KLHL29: variants seen among roughly 807,000 people sequenced by gnomAD.
KLHL29 encodes kelch-like protein 29.
KLHL29 carries 21 observed loss-of-function variants against 80.4 expected under a neutral mutation model. The observed-to-expected ratio is 0.26, with a 90% confidence interval of 0.19 to 0.38. The LOEUF (loss-of-function observed/expected upper bound fraction) is 0.38, where lower values mean the gene tolerates loss of function less well. Ranked by LOEUF, KLHL29 falls within the 10% of genes least tolerant of loss-of-function variation. The pLI, the probability that KLHL29 is intolerant of heterozygous loss-of-function variation, is 1.00. For synonymous variants in KLHL29, 511 were observed against 526.8 expected (o/e 0.97, Z 0.41); for missense variants, 867 against 1,223.9 (o/e 0.71, Z 4.35).
intron 3 of KLHL29, among the ~76,000 whole-genome samples, chr2:23,578,773 T>C (rs1667905480): frequency 1.3e-5 from 2 of 152,246 alleles, no homozygotes; most frequent in Admixed American, 1.3e-4. Context: ...TTGAAAATTA[T>C]ATTTCTTTTC....
rs186209229 is a variant in KLHL29 at position 23,629,951 on chromosome 2, C to T, written c.286-9188C>T. 4.6e-5 allele frequency among the ~76,000 whole-genome samples: 7 copies of T among 152,244 alleles called. No individual in the cohort carries two copies. In the East Asian group the frequency reaches 1.4e-3, roughly 29 times the overall value. ...CAGCGAACAGCACCGGGAGGAGGCG[C>T]TGGGAAGAGGTTTAGGTCAAGAACC... On this transcript the variant is annotated intron_variant, in intron 3 of 13. Transcript: ENST00000486442.
In KLHL29 at chr2:23,428,050, A is replaced by G. The variant is rs2103406436; in HGVS notation, c.-154+42270A>G. ...AGCATGCGTGAAAACTCATTTCTTG[A>G]TTGGTGTCGAAATATGTCACACCCT... is the stretch of plus-strand genomic sequence containing the variant. On this transcript the variant is annotated intron_variant, in intron 1 of 13. Coordinates refer to ENST00000486442, the MANE Select transcript of KLHL29 (RefSeq NM_052920.2). 1.3e-5 allele frequency among the ~76,000 whole-genome samples: 2 copies of G among 152,318 alleles called. 1 individual carries two copies. The highest frequency in any genetic ancestry group is 4.1e-4 in the South Asian group (2 of 4,830).
At chr2:23,651,701 A>G (rs1670092729) in intron 5 of KLHL29, among the ~76,000 whole-genome samples, 2 of 152,184 alleles carry the variant, frequency 1.3e-5, no homozygotes, top group Non-Finnish European at 2.9e-5. Context: ...GGGTGGCTTA[A>G]ACAACAGAAA....
intron 2 of KLHL29, among the ~76,000 whole-genome samples, 156 bp downstream of exon 2, chr2:23,475,823 G>A (rs999061025): frequency 5.3e-5 from 8 of 152,230 alleles, no homozygotes; most frequent in African/African-American, 1.9e-4. Flanking sequence ...AGGCGTGTGT[G>A]ATCAACTGGT....
chr2:23,671,858 G>A (rs1670773616), intron 5 of KLHL29: 4 of 152,406 alleles, frequency 2.6e-5, no homozygotes, highest in East Asian at 3.8e-4. Context: ...GCCCATGTAG[G>A]ACGCCAGGGG....
chr2:23,465,018 C>T (rs1327092101), intron 1 of KLHL29, among the ~76,000 whole-genome samples: 1 of 152,184 alleles, frequency 6.6e-6, no homozygotes, highest in Non-Finnish European at 1.5e-5. Context: ...TGCTTGCAGA[C>T]AGATCGCTTA....
intron 1 of KLHL29, among the ~76,000 whole-genome samples, chr2:23,417,494 C>G (rs889489682): frequency 1.3e-5 from 2 of 152,236 alleles, no homozygotes; most frequent in Admixed American, 1.3e-4. Context: ...GGTACCTTGT[C>G]TTGATCCTGG....
At chr2:23,473,401 A>G (rs971855943) in intron 1 of KLHL29, among the ~76,000 whole-genome samples, 19 of 152,172 alleles carry the variant, frequency 1.2e-4, no homozygotes, top group South Asian at 6.2e-4. Flanking sequence ...AGTACAGTCT[A>G]TAATAGCCAA....
chr2:23,396,899 G>GA (rs1210466009), intron 1 of KLHL29, among the ~76,000 whole-genome samples: 1 of 152,154 alleles, frequency 6.6e-6, no homozygotes, highest in East Asian at 1.9e-4. Flanking sequence ...TTTCCCCCAA[G>GA]AGGAGAAAAA....
chr2:23,450,071 A>G (rs1347506938), intron 1 of KLHL29, among the ~76,000 whole-genome samples: 2 of 152,192 alleles, frequency 1.3e-5, no homozygotes, highest in African/African-American at 4.8e-5. Flanking sequence ...GGCAAGCTCG[A>G]TCGCCAATTA....
chr2:23,492,006 C>T (rs76773754), intron 2 of KLHL29, among the ~76,000 whole-genome samples: 1,562 of 152,326 alleles, frequency 0.01, 16 homozygotes, highest in Middle Eastern at 0.037. Context: ...CACCAACTGG[C>T]ACCTGAGCAA....
intron 3 of KLHL29, among the ~76,000 whole-genome samples, chr2:23,589,187 G>T (rs1000464888): frequency 6.6e-6 from 1 of 152,268 alleles, no homozygotes; most frequent in Non-Finnish European, 1.5e-5. Flanking sequence ...TTTGCGCCCC[G>T]TTCCTGGGCT....
chr2:23,643,158 C>A, intron 5 of KLHL29: 1 of 536,372 alleles, frequency 1.9e-6, no homozygotes. Context: ...ATTCTCACCT[C>A]CAACCCCCAA....
Position 23,632,138 on chromosome 2 carries a change from C to T in KLHL29, c.286-7001C>T, listed in dbSNP as rs576549163. On this transcript the variant is annotated intron_variant, in intron 3 of 13. Transcript: ENST00000486442. Reference sequence around the variant, plus strand: ...TTTTGTGCACTCCCATTGGAGATCCCCGTGGTGGTGGTCAGAAGCCCTCCC... The same window carrying T: ...TTTTGTGCACTCCCATTGGAGATCCTCGTGGTGGTGGTCAGAAGCCCTCCC... Among the ~76,000 whole-genome samples, 11 of 152,318 alleles carry T rather than the reference C, an allele frequency of 7.2e-5. No homozygotes were observed. The East Asian group carries it at 2.1e-3, about 29-fold the overall frequency.
At chr2:23,452,382 C>T (rs910634538) in intron 1 of KLHL29, among the ~76,000 whole-genome samples, 2 of 151,854 alleles carry the variant, frequency 1.3e-5, no homozygotes, top group African/African-American at 2.4e-5. Context: ...GGGATGGTGC[C>T]GAGCCATTCA....
At chr2:23,666,548 A>G (rs565302155) in intron 5 of KLHL29, among the ~76,000 whole-genome samples, 1 of 152,346 alleles carries the variant, frequency 6.6e-6, no homozygotes, top group South Asian at 2.1e-4. Flanking sequence ...GGGTGCCTTG[A>G]AGTTATGGAG....
At chr2:23,446,591 C>A (rs899046588) in intron 1 of KLHL29, among the ~76,000 whole-genome samples, 2 of 152,160 alleles carry the variant, frequency 1.3e-5, no homozygotes, top group African/African-American at 4.8e-5. Context: ...ATTTTGGCTC[C>A]TTGTGGAATT....
intron 2 of KLHL29, among the ~76,000 whole-genome samples, chr2:23,544,544 C>T (rs997755222): frequency 6.6e-6 from 1 of 152,126 alleles, no homozygotes; most frequent in African/African-American, 2.4e-5. Context: ...AACTCACACT[C>T]CAGAGAGGGG....
chr2:23,467,558 TTC>T (rs1291024415), intron 1 of KLHL29, among the ~76,000 whole-genome samples: 4 of 152,222 alleles, frequency 2.6e-5, no homozygotes, highest in Non-Finnish European at 5.9e-5. Flanking sequence ...CTCAGATCTA[TTC>T]AAATAAAATA....
Sources: gnomAD v4.1 joint callset for allele counts (sites outside exome capture counted in the v4.1 genomes callset) on GRCh38, gnomAD v4.1.1 for gene constraint, MANE v1.5 for transcripts, NCBI Gene and HGNC (gene_info 2026-07-23, HGNC 2026-07-21) for gene names.